FHL1: variants seen among roughly 807,000 people sequenced by gnomAD.
The protein encoded by FHL1 is four and a half LIM domains 1, also known as four and a half LIM domains protein 1.
A neutral mutation model predicts 20.3 loss-of-function variants in FHL1; 1 was observed. The ratio of observed to expected loss-of-function variants is 0.05; its 90% CI spans 0.02 to 0.23. The LOEUF is 0.23. FHL1 is among the 10% of genes least tolerant of loss of function. FHL1 has a pLI of 1.00. For synonymous variants in FHL1, 82 were observed against 88.9 expected (o/e 0.92, Z 0.44); for missense variants, 177 against 234.0 (o/e 0.76, Z 1.59).
intron 2 of FHL1, among the ~76,000 whole-genome samples, chrX:136,177,013 T>TACACAC (rs10527786): frequency 0.022 from 1,941 of 88,645 alleles, 30 homozygotes; most frequent in African/African-American, 0.052. Context: ...CATGTAGAAA[T>TACACAC]ACACACACAC....
chrX:136,160,848 G>A (rs1351029329), intron 1 of FHL1, among the ~76,000 whole-genome samples: 2 of 110,615 alleles, frequency 1.8e-5, no homozygotes, highest in Admixed American at 9.7e-5. Context: ...GGAGAAAGAG[G>A]ATAAAAATAA....
At chrX:136,171,926 G>A (rs2072880159) in intron 2 of FHL1, among the ~76,000 whole-genome samples, 1 of 109,725 alleles carries the variant, frequency 9.1e-6, no homozygotes, top group Admixed American at 9.7e-5. Flanking sequence ...GCTCAGGCTG[G>A]AGTGCAGTGG....
At chrX:136,191,747 T>C (rs777441172) in intron 2 of FHL1, among the ~76,000 whole-genome samples, 7 of 112,636 alleles carry the variant, frequency 6.2e-5, no homozygotes, top group Non-Finnish European at 9.4e-5. Context: ...ATCAAGGCAG[T>C]TGATCTCAGT....
At chrX:136,152,053 C>T (rs935439315) in intron 1 of FHL1, among the ~76,000 whole-genome samples, 2 of 111,937 alleles carry the variant, frequency 1.8e-5, no homozygotes, top group African/African-American at 6.5e-5. Flanking sequence ...TCCTATATAC[C>T]ATTGGGCTTG....
At chrX:136,186,878 AT>A (rs2073313259) in intron 2 of FHL1, among the ~76,000 whole-genome samples, 1 of 6,577 alleles carries the variant, frequency 1.5e-4, no homozygotes, top group Non-Finnish European at 1.0e-3. Flanking sequence ...ATATATATAT[AT>A]ATAGATAGAT....
intron 1 of FHL1, among the ~76,000 whole-genome samples, chrX:136,150,736 T>C (rs1447143027): frequency 4.4e-5 from 5 of 112,433 alleles, no homozygotes; most frequent in Non-Finnish European, 9.4e-5. Context: ...AGTTATTTGG[T>C]TGATAAGAAA....
At chrX:136,191,612 A>G (rs2073433197) in intron 2 of FHL1, among the ~76,000 whole-genome samples, 1 of 111,732 alleles carries the variant, frequency 8.9e-6, no homozygotes, top group Non-Finnish European at 1.9e-5. Flanking sequence ...GGGTTTGAAA[A>G]CACCAGTGCA....
chrX:136,169,709 A>C lies in FHL1; in HGVS notation c.-125A>C, dbSNP rs180756907. 1.8e-4 allele frequency: 57 copies of C among 318,565 alleles called. 1 individual carries two copies. Among genetic ancestry groups the C allele is most frequent in the Admixed American group, 1.2e-3 (36 of 30,443 alleles). The allele number at this position is 318,565 out of a possible 1,213,427, so 26.3% of individuals were successfully genotyped here. On this transcript the variant is annotated 5_prime_UTR_variant, in exon 1 of 7. Transcript: ENST00000394153. ...CAGATCCACTGCCAGTGCTCATGTT[A>C]TATGATAAACAGACATTTGGAGAAG...
intron 2 of FHL1, among the ~76,000 whole-genome samples, chrX:136,183,905 A>G (rs1263860562): frequency 9.0e-6 from 1 of 111,484 alleles, no homozygotes; most frequent in Non-Finnish European, 1.9e-5. Context: ...CATCTTTAAC[A>G]CCTGTATTCT....
chrX:136,178,976 C>T lies in FHL1; in HGVS notation c.-27+8996C>T, dbSNP rs946811038. ...TTCACCATGTTGGCTAGGCTGGCCT[C>T]GAACTCCTGACTTCAAGTGATCCAC... is the stretch of plus-strand genomic sequence containing the variant. On this transcript the variant is annotated intron_variant, in intron 2 of 6. Coordinates refer to the FHL1 transcript ENST00000394153. 3.6e-5 allele frequency among the ~76,000 whole-genome samples: 4 copies of T among 111,089 alleles called. No homozygotes were observed. The Admixed American group carries it at 3.8e-4, about 11-fold the overall frequency.
At position 136,202,082 on chromosome X, in the gene FHL1, T is replaced by A. The variant is rs764406864; in HGVS notation, c.23-4325T>A. Among the ~76,000 whole-genome samples the A allele has an allele frequency of 1.7e-3, 194 of 112,505 alleles. 1 individual carries two copies. The highest frequency in any genetic ancestry group is 6.0e-3 in the African/African-American group (185 of 31,025). Reference sequence around the variant, plus strand: ...GAGCCCAAAAGAAGAGGTAAAATGCTGGCTGGGCATGGTGGCTCATGCCTG... The same window carrying A: ...GAGCCCAAAAGAAGAGGTAAAATGCAGGCTGGGCATGGTGGCTCATGCCTG... On this transcript the variant is annotated intron_variant, in intron 1 of 5. Coordinates refer to ENST00000370683, the MANE Select transcript of FHL1 (RefSeq NM_001159699.2).
At chrX:136,205,852 C>G (rs1364210867) in intron 1 of FHL1, among the ~76,000 whole-genome samples, 2 of 111,427 alleles carry the variant, frequency 1.8e-5, no homozygotes, top group Non-Finnish European at 3.8e-5. Context: ...AGAGAGGCTT[C>G]TTGATGACAA....
chrX:136,183,109 CAAA>C (rs1289790207), intron 2 of FHL1, among the ~76,000 whole-genome samples: 1 of 94,157 alleles, frequency 1.1e-5, no homozygotes, highest in African/African-American at 3.6e-5. Flanking sequence ...AAAAAAAAAA[CAAA>C]AAACAAACAA....
chrX:136,207,714 G>T (rs749478706), intron 3 of FHL1, 78 bp from the exon 4 acceptor site: 1 of 1,086,314 alleles, frequency 9.2e-7, no homozygotes, highest in African/African-American at 1.8e-5. Flanking sequence ...CCTCTGGAGG[G>T]CCTGGGGAGG....
At chrX:136,180,748 T>A (rs917693189) in intron 2 of FHL1, among the ~76,000 whole-genome samples, 2 of 108,630 alleles carry the variant, frequency 1.8e-5, no homozygotes, top group African/African-American at 6.6e-5. Context: ...TTATTTTATT[T>A]ATTATTTTTT....
intron 2 of FHL1, among the ~76,000 whole-genome samples, chrX:136,172,957 T>C (rs899969189): frequency 1.8e-5 from 2 of 112,594 alleles, no homozygotes; most frequent in African/African-American, 3.2e-5. Context: ...GGTCTCGAAC[T>C]CCTTACCTCA....
intron 2 of FHL1, among the ~76,000 whole-genome samples, chrX:136,176,589 C>T (rs978748520): frequency 3.6e-5 from 4 of 111,407 alleles, no homozygotes; most frequent in Non-Finnish European, 7.5e-5. Flanking sequence ...CTGCCCTTTG[C>T]TTCAGTGAGT....
chrX:136,151,091 G>A (rs1410213734), intron 1 of FHL1, among the ~76,000 whole-genome samples: 1 of 112,270 alleles, frequency 8.9e-6, no homozygotes, highest in African/African-American at 3.2e-5. Context: ...CTGAGTGCCT[G>A]GAGAAATCCC....
At chrX:136,207,277 C>T (rs1463700360) in intron 3 of FHL1, 87 bp downstream of exon 3, 7 of 978,817 alleles carry the variant, frequency 7.2e-6, no homozygotes, top group East Asian at 3.1e-5. Context: ...GTGGGGCTAA[C>T]GTTGCTCTGA....
Sources: allele counts gnomAD v4.1 joint callset (sites outside exome capture counted in the v4.1 genomes callset), GRCh38; gene constraint gnomAD v4.1.1; transcripts MANE v1.5; gene names NCBI Gene and HGNC (gene_info 2026-07-23, HGNC 2026-07-21).